AASDHPPT: variants seen among roughly 807,000 people sequenced by gnomAD.
AASDHPPT encodes the protein aminoadipate-semialdehyde dehydrogenase-phosphopantetheinyl transferase.
AASDHPPT carries 23 observed loss-of-function variants against 36.4 expected under a neutral mutation model. The observed-to-expected ratio is 0.63, with a 90% CI of 0.45 to 0.89. AASDHPPT has a LOEUF of 0.89. AASDHPPT is among the 40% of genes least tolerant of loss of function. The pLI is 0.00. For missense variants in AASDHPPT, 377 were observed against 378.2 expected, an observed-to-expected ratio of 1.00 and a Z score of 0.03; for synonymous variants, 115 against 128.0, an observed-to-expected ratio of 0.90 and a Z score of 0.68.
At position 106,098,040 on chromosome 11, in the gene AASDHPPT, A is replaced by G. The variant is rs922831685; in HGVS notation, c.*1133A>G. On this transcript the variant is annotated 3_prime_UTR_variant, in exon 6 of 6. Transcript: ENST00000278618. ...GTGGAATGATTGGTTTGACTGGTTCATAGGGCTTTAATTATACAATTTACC... is the reference window on the plus strand; with the variant it reads ...GTGGAATGATTGGTTTGACTGGTTCGTAGGGCTTTAATTATACAATTTACC... 5.3e-5 allele frequency: 8 copies of G among 152,156 alleles called. No homozygotes were observed. The highest frequency in any genetic ancestry group is 7.4e-5 in the Non-Finnish European group (5 of 67,992). The allele number at this position is 152,156 out of a possible 1,614,324, so 9.4% of individuals were successfully genotyped here.
chr11:106,091,549 G>A, intron 4 of AASDHPPT, 72 bp downstream of exon 4: 1 of 1,437,254 alleles, frequency 7.0e-7, no homozygotes, highest in Non-Finnish European at 9.3e-7. Context: ...ATTAATTTGG[G>A]TAAGCTAGTC....
At chr11:106,079,125 A>G (rs1861102377) in intron 1 of AASDHPPT, among the ~76,000 whole-genome samples, 1 of 152,252 alleles carries the variant, frequency 6.6e-6, no homozygotes, top group Non-Finnish European at 1.5e-5. Flanking sequence ...TAAAGCTTAT[A>G]TGTGGTAGAA....
Position 106,096,804 on chromosome 11 carries a change from A to G in AASDHPPT, c.827A>G (p.Asp276Gly), listed in dbSNP as rs751478018. 5 of 1,610,558 alleles carry G rather than the reference A, an allele frequency of 3.1e-6. No individual in the cohort carries two copies. In the African/African-American group the frequency reaches 5.4e-5, roughly 17 times the overall value. ...CAATTTACTATTCTCAACTTTAATG[A>G]TTTAATGTCATCTGCCGTTCCCATG... ...QRQFTILNFN[D>G]LMSSAVPMTP... The change falls in exon 6 of 6, where the codon GAT (aspartate) becomes GGT (glycine). Residue 276 changes from aspartate to glycine, a missense_variant. Physicochemically the swap from Asp to Gly is moderately conservative, Grantham distance 94. Transcript: ENST00000278618.
intron 2 of AASDHPPT, 76 bp from the exon 3 acceptor site, chr11:106,090,481 G>C (rs939146625): frequency 8.1e-6 from 10 of 1,230,094 alleles, no homozygotes; most frequent in Admixed American, 7.6e-5. Flanking sequence ...GTGCTGTCTT[G>C]AACAGTTTTA....
chr11:106,089,019 G>A (rs985320565), intron 2 of AASDHPPT, among the ~76,000 whole-genome samples: 3 of 151,992 alleles, frequency 2.0e-5, no homozygotes, highest in African/African-American at 7.2e-5. Context: ...TTGTGGGAAA[G>A]GTATTTGGTT....
rs144891342 is a variant in AASDHPPT at position 106,098,621 on chromosome 11, G to A, written c.*1714G>A. 3.3e-3 allele frequency: 503 copies of A among 151,882 alleles called. 3 individuals are homozygous for A. Among genetic ancestry groups the A allele is most frequent in the African/African-American group, 0.012 (479 of 41,488 alleles). The allele number at this position is 151,882 out of a possible 1,614,324, so 9.4% of individuals were successfully genotyped here. On this transcript the variant is annotated 3_prime_UTR_variant, in exon 6 of 6. Coordinates refer to ENST00000278618, the MANE Select transcript of AASDHPPT (RefSeq NM_015423.3). ...AATAGAGGAAGTATTGTTATCCCTAGCATGAGTGTAATGGTGATATGAAAA... is the reference window on the plus strand; with the variant it reads ...AATAGAGGAAGTATTGTTATCCCTAACATGAGTGTAATGGTGATATGAAAA...
chr11:106,097,074 A>C lies in AASDHPPT; in HGVS notation c.*167A>C, dbSNP rs72977072. The stretch of plus-strand genomic sequence containing the variant: ...GCAGACTTCTGGTTCAAGATAGCTC[A>C]CTGGAATACATGTTTACCTCTTTCT... On this transcript the variant is annotated 3_prime_UTR_variant, in exon 6 of 6. Coordinates refer to ENST00000278618, the MANE Select transcript of AASDHPPT (RefSeq NM_015423.3). 0.012 allele frequency: 6,871 copies of C among 596,698 alleles called. 51 individuals carry two copies. Among genetic ancestry groups the C allele is most frequent in the Middle Eastern group, 0.024 (53 of 2,222 alleles). The allele number at this position is 596,698 out of a possible 1,614,324, so 37.0% of individuals were successfully genotyped here.
intron 2 of AASDHPPT, among the ~76,000 whole-genome samples, chr11:106,083,992 GGT>G (rs1297611566): frequency 6.6e-6 from 1 of 151,952 alleles, no homozygotes; most frequent in African/African-American, 2.4e-5. Flanking sequence ...AATTTGGTAA[GGT>G]GTCAATATCC....
In AASDHPPT at chr11:106,097,149, A is replaced by G. The variant is rs185327669; in HGVS notation, c.*242A>G. 1.2e-4 allele frequency: 45 copies of G among 371,076 alleles called. No individual in the cohort carries two copies. Among genetic ancestry groups the G allele is most frequent in the African/African-American group, 7.4e-4 (35 of 47,102 alleles). The allele number at this position is 371,076 out of a possible 1,614,324, so 23.0% of individuals were successfully genotyped here. A position where few individuals can be genotyped will look rare whatever the true frequency, so the allele number is the denominator to read the frequency against. Reference sequence around the variant, plus strand: ...GGAAGGATGGCGGAATCTTAAAGTGATACATGCTAACTGTAGAAAAAAATA... The same window carrying G: ...GGAAGGATGGCGGAATCTTAAAGTGGTACATGCTAACTGTAGAAAAAAATA... On this transcript the variant is annotated 3_prime_UTR_variant, in exon 6 of 6. Transcript: ENST00000278618.
intron 2 of AASDHPPT, chr11:106,086,264 C>G (rs993847800): frequency 2.6e-5 from 4 of 152,176 alleles, no homozygotes; most frequent in Admixed American, 2.0e-4. Flanking sequence ...TTGCTTCTTC[C>G]TAGTTTCTGC....
chr11:106,091,462 A>G lies in AASDHPPT; in HGVS notation c.678A>G (p.Lys226=), dbSNP rs1238861189. The change falls in exon 4 of 6, where the codon AAA becomes AAG. Residue 226 remains lysine (K), a synonymous_variant. Coordinates refer to ENST00000278618, the MANE Select transcript of AASDHPPT (RefSeq NM_015423.3). ...TRLFLDGEEE[K]EWAFEESKID... is the part of the protein sequence containing the mutation. ...TATTCCTGGATGGAGAGGAAGAAAA[A>G]GAATGGGCATTTGAGGTAAGAAATT... The G allele has an allele frequency of 1.3e-6, 2 of 1,580,840 alleles. No homozygotes were observed. The highest frequency in any genetic ancestry group is 2.4e-5 in the South Asian group (2 of 85,030).
chr11:106,086,407 A>G (rs968458791), intron 2 of AASDHPPT: 1 of 152,072 alleles, frequency 6.6e-6, no homozygotes, highest in Non-Finnish European at 1.5e-5. Context: ...TTCAGGGCTC[A>G]CTTTAATTAG....
In AASDHPPT at chr11:106,094,666, G is replaced by A; in HGVS notation, c.765+12G>A. On this transcript the variant is annotated intron_variant, in intron 5 of 5. Transcript: ENST00000278618. ...CTAGACATCAGGATGTAAGATTTTAGGATTTCTCTTTTTTCTAAATAGCAT... is the reference window on the plus strand; with the variant it reads ...CTAGACATCAGGATGTAAGATTTTAAGATTTCTCTTTTTTCTAAATAGCAT... The A allele has an allele frequency of 6.3e-7, 1 of 1,581,030 alleles. No individual in the cohort carries two copies. Among genetic ancestry groups the A allele is most frequent in the Non-Finnish European group, 8.6e-7 (1 of 1,164,492 alleles).
chr11:106,084,397 T>A (rs1861176257), intron 2 of AASDHPPT, among the ~76,000 whole-genome samples: 1 of 152,184 alleles, frequency 6.6e-6, no homozygotes, highest in Admixed American at 6.5e-5. Context: ...ATTCTGCAGA[T>A]AATTATTAGC....
At chr11:106,079,744 C>G (rs1861114507) in intron 2 of AASDHPPT, 52 bp downstream of exon 2, 1 of 1,451,104 alleles carries the variant, frequency 6.9e-7, no homozygotes, top group Non-Finnish European at 9.6e-7. Flanking sequence ...TGCCTCAGTT[C>G]TATTGCTATT....
intron 2 of AASDHPPT, among the ~76,000 whole-genome samples, chr11:106,083,917 T>A (rs1231537362): frequency 2.6e-5 from 4 of 152,068 alleles, no homozygotes; most frequent in Admixed American, 6.5e-5. Flanking sequence ...TTTAAAAAAA[T>A]TATATTCCAA....
intron 2 of AASDHPPT, among the ~76,000 whole-genome samples, chr11:106,089,332 G>C (rs1472422264): frequency 1.3e-5 from 2 of 151,892 alleles, no homozygotes; most frequent in Non-Finnish European, 2.9e-5. Context: ...TTTTGGAGTT[G>C]GTTATTTTAG....
At chr11:106,094,477 T>C in intron 4 of AASDHPPT, 106 bp from the exon 5 acceptor site, 1 of 731,466 alleles carries the variant, frequency 1.4e-6, no homozygotes. Context: ...TACGTATATG[T>C]ATATATATAT....
chr11:106,091,420 T>TTA lies in AASDHPPT; in HGVS notation c.639_640dup (p.Lys214IlefsTer23). 6.2e-7 allele frequency: 1 copy of TTA among 1,605,722 alleles called. No homozygotes were observed. Among genetic ancestry groups the TTA allele is most frequent in the Non-Finnish European group, 8.5e-7 (1 of 1,177,148 alleles). ...CATTAAACTTGGATATAGGCCAAGT[T>TTA]TATAAAGAAACACGTTTATTCCTGG... On this transcript the variant is annotated frameshift_variant, in exon 4 of 6. Coordinates refer to ENST00000278618, the MANE Select transcript of AASDHPPT (RefSeq NM_015423.3). LOFTEE classifies it high-confidence loss of function.
Sources: allele counts gnomAD v4.1 joint callset (sites outside exome capture counted in the v4.1 genomes callset), GRCh38; gene constraint gnomAD v4.1.1; transcripts MANE v1.5; gene names NCBI Gene and HGNC (gene_info 2026-07-23, HGNC 2026-07-21).